KCNC4: variants seen among roughly 807,000 people sequenced by gnomAD.
The protein encoded by KCNC4 is potassium voltage-gated channel subfamily C member 4.
KCNC4 carries 23 observed loss-of-function variants against 42.8 expected under a neutral mutation model. The ratio of observed to expected loss-of-function variants is 0.54; its 90% CI spans 0.39 to 0.76. The LOEUF (loss-of-function observed/expected upper bound fraction) is 0.76. KCNC4 is among the 30% of genes least tolerant of loss of function. KCNC4 has a pLI of 0.00. For missense variants in KCNC4, 751 were observed against 898.2 expected, an observed-to-expected ratio of 0.84 and a Z score of 2.10; for synonymous variants, 422 against 393.5, an observed-to-expected ratio of 1.07 and a Z score of -0.86.
In KCNC4 at chr1:110,210,817, C is replaced by A. The variant is rs959850810; in HGVS notation, c.-683C>A. 2.0e-5 allele frequency among the ~76,000 whole-genome samples: 3 copies of A among 151,860 alleles called. No individual in the cohort carries two copies. The highest frequency in any genetic ancestry group is 7.3e-5 in the African/African-American group (3 of 41,342). ...CCAGCTGCCGCCTCGCCCTGCGCAG[C>A]CCCCGCCCGCCCGGCCGCCGCTCTC... On this transcript the variant is annotated 5_prime_UTR_variant, in exon 1 of 4. Coordinates refer to ENST00000438661, the MANE Select transcript of KCNC4 (RefSeq NM_001039574.3).
intron 1 of KCNC4, among the ~76,000 whole-genome samples, chr1:110,271,296 T>A (rs1427880642): frequency 6.6e-6 from 1 of 152,134 alleles, no homozygotes; most frequent in Non-Finnish European, 1.5e-5. Flanking sequence ...AAAAGAGCAC[T>A]AAAGATCATC....
At position 110,213,334 on chromosome 1, in the gene KCNC4, G is replaced by A. The variant is rs1232140019; in HGVS notation, c.678+1157G>A. 2.6e-5 allele frequency among the ~76,000 whole-genome samples: 4 copies of A among 152,142 alleles called. No homozygotes were observed. In the East Asian group the frequency reaches 7.7e-4, roughly 29 times the overall value. ...AGAGCAATGTAACTTGTTGGGTCTG[G>A]GGACTGCTGCTTGCTGTGGAACCTG... On this transcript the variant is annotated intron_variant, in intron 1 of 3. Coordinates refer to ENST00000438661, the MANE Select transcript of KCNC4 (RefSeq NM_001039574.3).
intron 3 of KCNC4, among the ~76,000 whole-genome samples, chr1:110,229,833 G>A (rs550804430): frequency 1.6e-4 from 24 of 152,264 alleles, no homozygotes; most frequent in Non-Finnish European, 3.2e-4. Flanking sequence ...CAGCCAAGAC[G>A]TTTCCTCTTT....
rs199799219 is a variant in KCNC4 at position 110,223,516 on chromosome 1, G to A, written c.1231G>A (p.Asp411Asn). ...TGAGCGCATTGGGGCCAGGCCCTCC[G>A]ACCCTCGGGGTAATGACCACACCGA... is the stretch of plus-strand genomic sequence containing the variant. ...YAERIGARPS[D>N]PRGNDHTDFK... Residue 411 changes from aspartate (D) to asparagine (N), a missense_variant, in exon 2 of 4, where the codon GAC (aspartate) becomes AAC (asparagine). By Grantham distance (23) the Asp-to-Asn change is conservative (BLOSUM62 1). Coordinates refer to ENST00000438661, the MANE Select transcript of KCNC4 (RefSeq NM_001039574.3). This position sits in a 1 kb window ranked among gnomAD's most constrained non-coding sequence, Gnocchi z 7.5. The A allele has an allele frequency of 3.1e-6, 5 of 1,613,766 alleles. No homozygotes were observed. Among genetic ancestry groups the A allele is most frequent in the Non-Finnish European group, 4.2e-6 (5 of 1,180,040 alleles).
intron 1 of KCNC4, among the ~76,000 whole-genome samples, chr1:110,278,158 G>GAAAA (rs56881032): frequency 1 from 148,680 of 149,220 alleles, 74,070 homozygotes; most frequent in East Asian, 1. Flanking sequence ...AGAAAGAAAA[G>GAAAA]GAAGGAAGGA....
intron 2 of KCNC4, chr1:110,282,669 G>C (rs1196493395): frequency 6.6e-6 from 1 of 152,274 alleles, no homozygotes; most frequent in Non-Finnish European, 1.5e-5. Context: ...GTGGGGAGGT[G>C]TCTCCCAGGG....
At chr1:110,232,483 C>T (rs1658745416) in intron 3 of KCNC4, 1 of 1,441,320 alleles carries the variant, frequency 6.9e-7, no homozygotes, top group African/African-American at 1.4e-5. Flanking sequence ...ACATCAGGAA[C>T]TTTCCCCACT....
chr1:110,264,871 C>T (rs180938550), intron 1 of KCNC4, among the ~76,000 whole-genome samples: 13 of 152,156 alleles, frequency 8.5e-5, no homozygotes, highest in South Asian at 4.1e-4. Context: ...GGCTTAAGGT[C>T]GGGAGTTCGA....
Position 110,225,960 on chromosome 1 carries a change from G to C in KCNC4, c.1616-15G>C. 1 of 1,565,536 alleles carries C rather than the reference G, an allele frequency of 6.4e-7. No individual in the cohort carries two copies. On this transcript the variant is annotated splice_polypyrimidine_tract_variant and intron_variant, in intron 2 of 3. Coordinates refer to ENST00000438661, the MANE Select transcript of KCNC4 (RefSeq NM_001039574.3). ...TCGCCCCTCATGCAGCCTCCTTTCT[G>C]TGTGCCCCCTTCAGACTCTAAGCAG...
intron 1 of KCNC4, among the ~76,000 whole-genome samples, chr1:110,280,744 TTTG>T (rs1659806649): frequency 6.6e-6 from 1 of 152,182 alleles, no homozygotes; most frequent in African/African-American, 2.4e-5. Flanking sequence ...TAAAAAATTA[TTTG>T]TTGTTTATCT....
intron 1 of KCNC4, among the ~76,000 whole-genome samples, chr1:110,258,320 C>T (rs1294391440): frequency 6.6e-6 from 1 of 152,118 alleles, no homozygotes; most frequent in African/African-American, 2.4e-5. Context: ...TCACTGCAAC[C>T]TCCGCCTCCT....
chr1:110,277,371 C>T lies in KCNC4; in HGVS notation n.31-5163C>T, dbSNP rs145823160. On this transcript the variant is annotated intron_variant and non_coding_transcript_variant, in intron 1 of 2. Transcript: ENST00000412512. ...CTCTAACAAATTAGCATTGGGAAGT[C>T]CTTTTCTTTAAGAAAGAAGAAAATA... 3.1e-4 allele frequency among the ~76,000 whole-genome samples: 47 copies of T among 152,318 alleles called. 1 individual carries two copies. The East Asian group carries it at 8.7e-3, about 28-fold the overall frequency.
chr1:110,220,947 A>G (rs1658062932), intron 1 of KCNC4: 1 of 152,222 alleles, frequency 6.6e-6, no homozygotes, highest in Non-Finnish European at 1.5e-5. Context: ...GTGTCTGTGT[A>G]ATTGTTATTA....
At chr1:110,241,868 T>C (rs1237308162) in exon 4 of KCNC4, 1 of 152,230 alleles carries the variant, frequency 6.6e-6, no homozygotes, top group African/African-American at 2.4e-5. Flanking sequence ...TGTTTACTCA[T>C]TTATGGATGC....
intron 1 of KCNC4, among the ~76,000 whole-genome samples, chr1:110,275,915 G>A (rs1250803818): frequency 3.0e-5 from 4 of 135,046 alleles, no homozygotes; most frequent in African/African-American, 5.6e-5. Context: ...CTGAGATCAC[G>A]CCACTGCACT....
rs1357981159 is a variant in KCNC4 at position 110,222,920 on chromosome 1, T to A, written c.679-44T>A. 2 of 1,489,598 alleles carry A rather than the reference T, an allele frequency of 1.3e-6. 1 individual carries two copies. Among genetic ancestry groups the A allele is most frequent in the South Asian group, 2.4e-5 (2 of 85,106 alleles). The allele number at this position is 1,489,598 out of a possible 1,614,324, so 92.3% of individuals were successfully genotyped here. ...CCACGTCCCCAGCTGGGCCCATCCATCCCTGTCTGACAGCTGCCCCCTGCT... is the reference window on the plus strand; with the variant it reads ...CCACGTCCCCAGCTGGGCCCATCCAACCCTGTCTGACAGCTGCCCCCTGCT... On this transcript the variant is annotated intron_variant, in intron 1 of 3. Coordinates refer to ENST00000438661, the MANE Select transcript of KCNC4 (RefSeq NM_001039574.3).
chr1:110,229,613 C>T lies in KCNC4; in HGVS notation c.1820-3298C>T, dbSNP rs150905964. ...CTGCGCTCTGTATTCCTGCCAGAAC[C>T]GGAGACTCATCTAATTTCTATAATT... On this transcript the variant is annotated intron_variant, in intron 3 of 3. Coordinates refer to ENST00000438661, the MANE Select transcript of KCNC4 (RefSeq NM_001039574.3). Among the ~76,000 whole-genome samples the T allele has an allele frequency of 6.6e-3, 1,000 of 152,312 alleles. 6 individuals carry two copies. Among genetic ancestry groups the T allele is most frequent in the Non-Finnish European group, 9.8e-3 (665 of 68,032 alleles).
At chr1:110,231,121 G>A (rs1252316903) in intron 3 of KCNC4, among the ~76,000 whole-genome samples, 3 of 152,236 alleles carry the variant, frequency 2.0e-5, no homozygotes, top group African/African-American at 7.2e-5. Flanking sequence ...CTGTAGCAGG[G>A]TTACTGGCAA....
In KCNC4 at chr1:110,211,397, C is replaced by T; in HGVS notation, c.-103C>T. The T allele has an allele frequency of 6.8e-7, 1 of 1,463,518 alleles. No individual in the cohort carries two copies. Among genetic ancestry groups the T allele is most frequent in the Non-Finnish European group, 9.1e-7 (1 of 1,097,806 alleles). 90.7% of individuals were successfully genotyped at this position (1,463,518 alleles called of 1,614,324 possible). ...CAGAGGGGGCCGCCACCGCCTCCTG[C>T]CTCCTCTTCGTCTCCTCCCCCTCCC... On this transcript the variant is annotated 5_prime_UTR_variant, in exon 1 of 4. Coordinates refer to ENST00000438661, the MANE Select transcript of KCNC4 (RefSeq NM_001039574.3). The surrounding 1 kb of genome is among the most constrained non-coding windows in gnomAD (Gnocchi z 6.5).
Sources: allele counts gnomAD v4.1 joint callset (sites outside exome capture counted in the v4.1 genomes callset), GRCh38; gene constraint gnomAD v4.1.1; non-coding constraint Gnocchi (gnomAD v3.1); transcripts MANE v1.5; gene names NCBI Gene and HGNC (gene_info 2026-07-23, HGNC 2026-07-21).